Variants in POLR3E observed in about 807,000 individuals in gnomAD.
POLR3E encodes DNA-directed RNA polymerase III subunit RPC5.
In POLR3E, 41 loss-of-function variants were observed where a neutral mutation model predicts 96.6. The observed-to-expected ratio is 0.42, with a 90% CI of 0.33 to 0.55. The LOEUF (loss-of-function observed/expected upper bound fraction) is 0.55. Ranked by LOEUF, POLR3E falls within the 20% of genes least tolerant of loss-of-function variation. The pLI is 0.06. For synonymous variants in POLR3E, 396 were observed against 383.6 expected (o/e 1.03, Z -0.38); for missense variants, 849 against 952.1 (o/e 0.89, Z 1.43).
intron 19 of POLR3E, among the ~76,000 whole-genome samples, chr16:22,331,135 C>T (rs1317720213): frequency 2.6e-5 from 4 of 151,548 alleles, no homozygotes; most frequent in African/African-American, 7.3e-5. Context: ...TGTGCCACCA[C>T]GCGTGGCTGA....
At position 22,313,586 on chromosome 16, in the gene POLR3E, T is replaced by C; in HGVS notation, c.365-34T>C. The C allele has an allele frequency of 1.4e-6, 2 of 1,475,590 alleles. No individual in the cohort carries two copies. The allele number at this position is 1,475,590 out of a possible 1,614,324, so 91.4% of individuals were successfully genotyped here. On this transcript the variant is annotated intron_variant, in intron 6 of 20. Coordinates refer to ENST00000299853, the MANE Select transcript of POLR3E (RefSeq NM_018119.4). This position sits in a 1 kb window ranked among gnomAD's most constrained non-coding sequence, Gnocchi z 4.1. ...TCTTGAGCCAAACTGGGTGGGTTTC[T>C]AGAGTTGAGTCCAAGCCCTTCTTCC... is the stretch of plus-strand genomic sequence containing the variant.
At chr16:22,330,054 G>A (rs1399852270) in intron 19 of POLR3E, among the ~76,000 whole-genome samples, 2 of 149,238 alleles carry the variant, frequency 1.3e-5, no homozygotes, top group East Asian at 3.9e-4. Context: ...GATATGTTAC[G>A]CCAGTTTTTT....
At chr16:22,305,504 T>C (rs912204760) in intron 3 of POLR3E, 22 of 616,858 alleles carry the variant, frequency 3.6e-5, no homozygotes, top group Non-Finnish European at 5.8e-5. Flanking sequence ...GGCAAGTTTC[T>C]TAATCCTTCT....
chr16:22,330,912 G>A (rs1011874393), intron 19 of POLR3E, among the ~76,000 whole-genome samples: 1 of 135,276 alleles, frequency 7.4e-6, no homozygotes, highest in African/African-American at 2.7e-5. Flanking sequence ...GGTTATCAAA[G>A]TTTCTATTTT....
rs1370816676 is a variant in POLR3E at position 22,333,814 on chromosome 16, C to A, written c.*114C>A. ...ACAGAGCAAGAGGAACTGACCATCT[C>A]ATGACCTGTGGCATTGCACGGTGCA... On this transcript the variant is annotated 3_prime_UTR_variant, in exon 21 of 21. Coordinates refer to ENST00000299853, the MANE Select transcript of POLR3E (RefSeq NM_018119.4). The A allele has an allele frequency of 4.1e-5, 31 of 748,244 alleles. 1 individual carries two copies. The South Asian group carries it at 4.7e-4, about 11-fold the overall frequency. The allele number at this position is 748,244 out of a possible 1,614,324, so 46.4% of individuals were successfully genotyped here.
intron 18 of POLR3E, chr16:22,326,638 C>G (rs1456920374): frequency 2.7e-6 from 1 of 370,586 alleles, no homozygotes; most frequent in Non-Finnish European, 5.1e-6. Context: ...GATTTAACTT[C>G]TAAGATCGTT....
At chr16:22,331,291 AAG>A (rs1044489850) in intron 19 of POLR3E, 3 of 152,088 alleles carry the variant, frequency 2.0e-5, no homozygotes, top group East Asian at 1.9e-4. Flanking sequence ...AAGCATCTTT[AAG>A]AGAGTTTCCA....
chr16:22,321,071 C>G (rs891264112), intron 13 of POLR3E, among the ~76,000 whole-genome samples: 1 of 152,108 alleles, frequency 6.6e-6, no homozygotes, highest in East Asian at 1.9e-4. Flanking sequence ...GGTTTCTCTT[C>G]GGCGAATCCT....
At position 22,326,264 on chromosome 16, in the gene POLR3E, C is replaced by A; in HGVS notation, c.1852C>A (p.Gln618Lys). The change falls in exon 18 of 21, where the codon CAG (glutamine) becomes AAG (lysine). Residue 618 changes from glutamine to lysine, a missense_variant. Gln to Lys is a moderately conservative substitution (Grantham distance 53). Coordinates refer to ENST00000299853, the MANE Select transcript of POLR3E (RefSeq NM_018119.4). The part of the protein sequence containing the change: ...QDTVLAAGCK[Q>K]ILVPFPPQTA... The stretch of plus-strand genomic sequence containing the variant: ...CACGGTGCTGGCCGCCGGTTGCAAG[C>A]AGATACTGGTGCCTGTAAGTAGAGC... 1 of 1,598,528 alleles carries A rather than the reference C, an allele frequency of 6.3e-7. No homozygotes were observed. The highest frequency in any genetic ancestry group is 8.5e-7 in the Non-Finnish European group (1 of 1,173,542).
intron 6 of POLR3E, 78 bp downstream of exon 6, chr16:22,309,588 G>A (rs1302247815): frequency 1.9e-6 from 2 of 1,027,484 alleles, no homozygotes; most frequent in Non-Finnish European, 3.1e-6. Flanking sequence ...CCCCAGCCTG[G>A]TGTCCATCTC....
intron 1 of POLR3E, among the ~76,000 whole-genome samples, chr16:22,301,962 G>A (rs954415212): frequency 1.3e-5 from 2 of 151,714 alleles, no homozygotes; most frequent in Non-Finnish European, 2.9e-5. Context: ...TCTCACCCAA[G>A]AGCAGAGGTT....
Position 22,316,682 on chromosome 16 carries a change from C to G in POLR3E, c.724C>G (p.Pro242Ala). The stretch of plus-strand genomic sequence containing the variant: ...GGAGAACACGGAGCTCGTCAAGTCA[C>G]CCAGGTGGGATGGGCTGGGCCAGCA... ...GVENTELVKS[P>A]SEYLMMLMPP... Residue 242 changes from proline to alanine, a missense_variant, in exon 10 of 21, where the codon CCC (proline) becomes GCC (alanine). By Grantham distance (27) the Pro-to-Ala change is conservative. Transcript: ENST00000299853. The G allele has an allele frequency of 6.2e-7, 1 of 1,613,438 alleles. No homozygotes were observed.
At chr16:22,325,606 C>T (rs1321786470) in intron 17 of POLR3E, among the ~76,000 whole-genome samples, 155 bp from the exon 18 acceptor site, 1 of 152,150 alleles carries the variant, frequency 6.6e-6, no homozygotes, top group Non-Finnish European at 1.5e-5. Flanking sequence ...CACGCTGGGA[C>T]GGTTCTCTCT....
rs577224104 is a variant in POLR3E, at chr16:22,304,468, C to T, written c.37-688C>T. 2.6e-5 allele frequency among the ~76,000 whole-genome samples: 4 copies of T among 152,290 alleles called. No homozygotes were observed. In the East Asian group the frequency reaches 5.8e-4, roughly 22 times the overall value. On this transcript the variant is annotated intron_variant, in intron 2 of 20. Coordinates refer to ENST00000299853, the MANE Select transcript of POLR3E (RefSeq NM_018119.4). The stretch of plus-strand genomic sequence containing the variant: ...AGGACAGAGGCAGTGCCCTCTGCAG[C>T]CAGGGGGCCTGGAATGCTTCCTGCC...
chr16:22,332,139 A>T lies in POLR3E; in HGVS notation c.2024A>T (p.Glu675Val). 2 of 1,613,708 alleles carry T rather than the reference A, an allele frequency of 1.2e-6. No homozygotes were observed. The highest frequency in any genetic ancestry group is 8.5e-7 in the Non-Finnish European group (1 of 1,179,590). ...ATGATCCAGTCTCGGTTGACTCAAGAGTGTGGAGAAGATCTCAGTAAACAG... is the reference window on the plus strand; with the variant it reads ...ATGATCCAGTCTCGGTTGACTCAAGTGTGTGGAGAAGATCTCAGTAAACAG... Reference protein sequence around the residue: ...RNMIQSRLTQECGEDLSKQEV... With the variant: ...RNMIQSRLTQVCGEDLSKQEV... The change falls in exon 20 of 21, where the codon GAG (glutamate) becomes GTG (valine). Residue 675 changes from glutamate to valine, a missense_variant. Physicochemically the swap from Glu to Val is moderately radical, Grantham distance 121. Coordinates refer to ENST00000299853, the MANE Select transcript of POLR3E (RefSeq NM_018119.4).
At position 22,317,196 on chromosome 16, in the gene POLR3E, G is replaced by C; in HGVS notation, c.855G>C (p.Leu285=). 6.2e-7 allele frequency: 1 copy of C among 1,612,290 alleles called. No individual in the cohort carries two copies. Among genetic ancestry groups the C allele is most frequent in the Non-Finnish European group, 8.5e-7 (1 of 1,179,776 alleles). ...TLPLADQIKI[L]MKNVKVMPFA... ...CCCTGGCCGATCAGATCAAGATCCTGATGAAGAATGGTGGGTGCCTACCCC... is the reference window on the plus strand; with the variant it reads ...CCCTGGCCGATCAGATCAAGATCCTCATGAAGAATGGTGGGTGCCTACCCC... The change falls in exon 12 of 21, where the codon CTG becomes CTC. Residue 285 remains leucine, a synonymous_variant. Coordinates refer to ENST00000299853, the MANE Select transcript of POLR3E (RefSeq NM_018119.4).
chr16:22,318,848 C>G lies in POLR3E; in HGVS notation c.888C>G (p.Asn296Lys). The change falls in exon 13 of 21, where the codon AAC (asparagine) becomes AAG (lysine). Residue 296 changes from asparagine to lysine, a missense_variant. By Grantham distance (94) the Asn-to-Lys change is moderately conservative. Coordinates refer to ENST00000299853, the MANE Select transcript of POLR3E (RefSeq NM_018119.4). This position sits in a 1 kb window ranked among gnomAD's most constrained non-coding sequence, Gnocchi z 5.0. ...MKNVKVMPFA[N>K]LMSLLGPSID... The stretch of plus-strand genomic sequence containing the variant: ...CAGTGAAGGTCATGCCTTTTGCCAA[C>G]TTGATGAGCCTCCTGGGCCCCTCCA... 2 of 1,613,260 alleles carry G rather than the reference C, an allele frequency of 1.2e-6. No individual in the cohort carries two copies. The highest frequency in any genetic ancestry group is 1.1e-5 in the South Asian group (1 of 91,054).
In POLR3E at chr16:22,318,978, T is replaced by G. The variant is rs1415971311; in HGVS notation, c.986+32T>G. 2 of 1,523,508 alleles carry G rather than the reference T, an allele frequency of 1.3e-6. No homozygotes were observed. Among genetic ancestry groups the G allele is most frequent in the African/African-American group, 2.8e-5 (2 of 70,990 alleles). 94.4% of individuals were successfully genotyped at this position (1,523,508 alleles called of 1,614,324 possible). ...TGCTTTTTTTATTTTTTATTTTTAT[T>G]TATTTTTTTCCTTGAGGCAGAGCTT... On this transcript the variant is annotated intron_variant, in intron 13 of 20. Transcript: ENST00000299853. This position sits in a 1 kb window ranked among gnomAD's most constrained non-coding sequence, Gnocchi z 5.0.
intron 1 of POLR3E, among the ~76,000 whole-genome samples, chr16:22,299,474 C>T (rs2047976362): frequency 1.4e-5 from 2 of 142,108 alleles, no homozygotes; most frequent in African/African-American, 5.4e-5. Flanking sequence ...AGTGCAGTGG[C>T]AAGATCTCGG....
Sources: gnomAD v4.1 joint callset for allele counts (sites outside exome capture counted in the v4.1 genomes callset) on GRCh38, gnomAD v4.1.1 for gene constraint, Gnocchi (gnomAD v3.1) non-coding constraint, MANE v1.5 for transcripts, NCBI Gene and HGNC (gene_info 2026-07-23, HGNC 2026-07-21) for gene names.